The following HLCS variants were observed in gnomAD, a reference collection of about 807,000 sequenced individuals.
The protein encoded by HLCS is holocarboxylase synthetase, also known as biotin--protein ligase.
Under a neutral mutation model 75.0 loss-of-function variants are expected in HLCS, and 53 were observed. The ratio of observed to expected loss-of-function variants is 0.71; its 90% CI spans 0.57 to 0.89. The LOEUF is 0.89. Ranked by LOEUF, HLCS falls within the 40% of genes least tolerant of loss-of-function variation. HLCS has a pLI of 0.00. For synonymous variants in HLCS, 431 were observed against 428.6 expected (o/e 1.01, Z -0.07); for missense variants, 966 against 1,074.0 (o/e 0.90, Z 1.41).
chr21:36,768,356 G>C (rs559495914), intron 6 of HLCS, among the ~76,000 whole-genome samples: 33 of 152,238 alleles, frequency 2.2e-4, no homozygotes, highest in Non-Finnish European at 4.0e-4. Flanking sequence ...AGGAGCGCTA[G>C]AGAAAGACCA....
intron 2 of HLCS, chr21:36,947,455 G>A (rs892666811): frequency 3.0e-6 from 3 of 985,246 alleles, no homozygotes; most frequent in Non-Finnish European, 3.6e-6. Flanking sequence ...GTCGTCCAGG[G>A]TGTTTGCCTT....
intron 6 of HLCS, among the ~76,000 whole-genome samples, chr21:36,832,439 C>G (rs1259582680): frequency 6.6e-6 from 1 of 152,136 alleles, no homozygotes; most frequent in Non-Finnish European, 1.5e-5. Context: ...TGGAAGGGAG[C>G]TGGTGAGCAA....
intron 5 of HLCS, among the ~76,000 whole-genome samples, chr21:36,922,885 G>A (rs1475714449): frequency 2.0e-5 from 3 of 152,342 alleles, no homozygotes; most frequent in East Asian, 1.9e-4. Flanking sequence ...AGCATGCATG[G>A]AAACAAAATG....
chr21:36,863,313 A>G (rs1263719543), intron 6 of HLCS, among the ~76,000 whole-genome samples: 2 of 152,188 alleles, frequency 1.3e-5, no homozygotes, highest in African/African-American at 2.4e-5. Flanking sequence ...CAAGGCTTGC[A>G]GAGGAGAGAG....
intron 6 of HLCS, among the ~76,000 whole-genome samples, chr21:36,890,410 T>G (rs959758683): frequency 5.3e-5 from 8 of 152,134 alleles, no homozygotes; most frequent in African/African-American, 1.4e-4. Context: ...CAAGTCAGAT[T>G]CCTGGGGAAA....
At chr21:36,783,392 C>A (rs2060590463) in intron 6 of HLCS, among the ~76,000 whole-genome samples, 1 of 152,130 alleles carries the variant, frequency 6.6e-6, no homozygotes, top group Non-Finnish European at 1.5e-5. Flanking sequence ...AACTACATTT[C>A]TTTTAAAAAA....
chr21:36,897,249 A>G (rs1020598523), intron 5 of HLCS, 118 bp from the exon 6 acceptor site: 54 of 954,942 alleles, frequency 5.7e-5, no homozygotes, highest in Non-Finnish European at 8.2e-5. Context: ...TGACCAAGAA[A>G]AGCTAGATTA....
intron 6 of HLCS, among the ~76,000 whole-genome samples, chr21:36,824,033 A>T (rs971122189): frequency 2.0e-5 from 3 of 152,156 alleles, no homozygotes; most frequent in Admixed American, 6.5e-5. Context: ...TAATCCCAGC[A>T]CTTTGGGAGG....
intron 6 of HLCS, among the ~76,000 whole-genome samples, chr21:36,878,383 T>G (rs2064069010): frequency 6.6e-6 from 1 of 152,192 alleles, no homozygotes; most frequent in Admixed American, 6.5e-5. Context: ...AGACAGAAGC[T>G]AGAAGAAACA....
At chr21:36,890,496 T>A (rs1209927614) in intron 6 of HLCS, among the ~76,000 whole-genome samples, 1 of 152,140 alleles carries the variant, frequency 6.6e-6, no homozygotes, top group Non-Finnish European at 1.5e-5. Flanking sequence ...GGCACCCACA[T>A]TGCCCTGTGC....
Position 36,930,350 on chromosome 21 carries a change from T to G in HLCS, c.1521A>C (p.Arg507Ser), listed in dbSNP as rs1230666123. 1.2e-6 allele frequency: 2 copies of G among 1,614,146 alleles called. No homozygotes were observed. Among genetic ancestry groups the G allele is most frequent in the East Asian group, 4.5e-5 (2 of 44,888 alleles). The part of the protein sequence containing the change: ...FNLLKSSNFR[R>S]YEVLREILTT... ...TCAGAATCTCTCTAAGGACTTCGTATCTTCTAAAATTGCTTGACTTGAGCA... is the reference window on the plus strand; with the variant it reads ...TCAGAATCTCTCTAAGGACTTCGTAGCTTCTAAAATTGCTTGACTTGAGCA... The change falls in exon 5 of 11, where the codon AGA (arginine) becomes AGC (serine). Residue 507 changes from arginine (R) to serine (S), a missense_variant. Coordinates refer to ENST00000674895, the MANE Select transcript of HLCS (RefSeq NM_001352514.2).
At chr21:36,876,010 C>A (rs180895723) in intron 6 of HLCS, among the ~76,000 whole-genome samples, 1 of 152,180 alleles carries the variant, frequency 6.6e-6, no homozygotes, top group African/African-American at 2.4e-5. Context: ...TACATCTGAT[C>A]TAGCCTCAGC....
intron 6 of HLCS, among the ~76,000 whole-genome samples, chr21:36,875,123 C>T (rs1032085368): frequency 6.6e-6 from 1 of 151,586 alleles, no homozygotes; most frequent in Non-Finnish European, 1.5e-5. Context: ...TTTGTACAGG[C>T]CTGTGGGTGC....
At chr21:36,770,980 G>A (rs1244814887) in intron 6 of HLCS, among the ~76,000 whole-genome samples, 3 of 152,106 alleles carry the variant, frequency 2.0e-5, no homozygotes, top group Admixed American at 6.6e-5. Context: ...AGCACTTTGC[G>A]AGGCCGAGGC....
At chr21:36,858,483 A>G (rs1170540406) in intron 6 of HLCS, among the ~76,000 whole-genome samples, 1 of 152,226 alleles carries the variant, frequency 6.6e-6, no homozygotes, top group Non-Finnish European at 1.5e-5. Flanking sequence ...AACAGCACTG[A>G]ATATGTTTAT....
chr21:36,788,901 T>C (rs1252419136), intron 6 of HLCS, among the ~76,000 whole-genome samples: 1 of 152,184 alleles, frequency 6.6e-6, no homozygotes, highest in Non-Finnish European at 1.5e-5. Context: ...TAGGAATACA[T>C]TCTTTGATTA....
intron 2 of HLCS, among the ~76,000 whole-genome samples, chr21:36,950,562 T>C (rs2067624344): frequency 6.6e-6 from 1 of 151,848 alleles, no homozygotes; most frequent in African/African-American, 2.4e-5. Context: ...CTCGACCTCC[T>C]GGGCTCAAGC....
chr21:36,960,849 T>C (rs1399488760), intron 2 of HLCS, among the ~76,000 whole-genome samples: 1 of 152,194 alleles, frequency 6.6e-6, no homozygotes, highest in Non-Finnish European at 1.5e-5. Context: ...CCTGGAGGGA[T>C]GACATCCACC....
At chr21:36,898,787 G>A (rs546356159) in intron 5 of HLCS, among the ~76,000 whole-genome samples, 38 of 152,242 alleles carry the variant, frequency 2.5e-4, no homozygotes, top group Middle Eastern at 3.4e-3. Context: ...GGGGCCAGGC[G>A]CAGTGGCTCA....
Sources: allele counts gnomAD v4.1 joint callset (sites outside exome capture counted in the v4.1 genomes callset), GRCh38; gene constraint gnomAD v4.1.1; transcripts MANE v1.5; gene names NCBI Gene and HGNC (gene_info 2026-07-23, HGNC 2026-07-21).